ZNF473: variants seen among roughly 807,000 people sequenced by gnomAD.
ZNF473 encodes zinc finger protein 100 homolog.
In ZNF473, 4 loss-of-function variants were observed where a neutral mutation model predicts 11.1. The observed-to-expected ratio is 0.36, with a 90% CI of 0.18 to 0.82. The LOEUF (loss-of-function observed/expected upper bound fraction) is 0.82, where lower values mean the gene tolerates loss of function less well. ZNF473 is among the 40% of genes least tolerant of loss of function. ZNF473 has a pLI of 0.49. For missense variants in ZNF473, 854 were observed against 1,084.0 expected (o/e 0.79, Z 2.98); for synonymous variants, 404 against 390.4 (o/e 1.03, Z -0.41).
chr19:50,046,979 C>T lies in ZNF473; in HGVS notation c.2536C>T (p.Arg846Cys). 4.3e-6 allele frequency: 7 copies of T among 1,614,116 alleles called. No individual in the cohort carries two copies. The highest frequency in any genetic ancestry group is 5.9e-6 in the Non-Finnish European group (7 of 1,180,034). ...HTQETLYQCQ[R>C]CQKAFRCHSS... ...CCAGGAGACACTTTATCAGTGTCAA[C>T]GTTGCCAGAAAGCCTTTCGGTGCCA... is the stretch of plus-strand genomic sequence containing the variant. Residue 846 changes from arginine to cysteine, a missense_variant, in exon 5 of 5, where the codon CGT becomes TGT. Physicochemically the swap from Arg to Cys is radical, Grantham distance 180. Transcript: ENST00000270617. This position sits in a 1 kb window ranked among gnomAD's most constrained non-coding sequence, Gnocchi z 5.9.
rs745410733 is a variant in ZNF473, at chr19:50,044,821, A to G, written c.378A>G (p.Leu126=). ...CIEDTWLDSL[L]GDPESLLRSD... ...AGGACACCTGGTTAGATAGTTTGCT[A>G]GGCGATCCAGAAAGTCTTCTGAGGT... Residue 126 remains leucine, a synonymous_variant, in exon 5 of 5, where the codon CTA becomes CTG. Coordinates refer to ENST00000270617, the MANE Select transcript of ZNF473 (RefSeq NM_015428.4). The G allele has an allele frequency of 1.4e-5, 22 of 1,614,240 alleles. No homozygotes were observed. The East Asian group carries it at 4.7e-4, about 34-fold the overall frequency.
At chr19:50,027,616 A>G (rs891816526) in intron 1 of ZNF473, among the ~76,000 whole-genome samples, 12 of 152,166 alleles carry the variant, frequency 7.9e-5, no homozygotes, top group Non-Finnish European at 1.5e-4. Flanking sequence ...TGTGAGGGCC[A>G]GGCAGATGAC....
chr19:50,044,868 A>T lies in ZNF473; in HGVS notation c.425A>T (p.Glu142Val), dbSNP rs1263485754. The change falls in exon 5 of 5, where the codon GAA becomes GTA. Residue 142 changes from glutamate to valine, a missense_variant. Glu to Val is a moderately radical substitution (Grantham distance 121). Coordinates refer to ENST00000270617, the MANE Select transcript of ZNF473 (RefSeq NM_015428.4). ...AGGTCTGATATTGCCACCAACGGGG[A>T]AAGTCCCACGGAATGCAAGAGTCAT... ...LLRSDIATNG[E>V]SPTECKSHEL... The T allele has an allele frequency of 6.2e-7, 1 of 1,614,104 alleles. No individual in the cohort carries two copies. Among genetic ancestry groups the T allele is most frequent in the African/African-American group, 1.3e-5 (1 of 74,932 alleles).
In ZNF473 at chr19:50,030,957, C is replaced by T. The variant is rs2077314583; in HGVS notation, c.-126C>T. ...TTTGGGGGCTCGTCAGCATGGACAG[C>T]GAGTCAGCCATGGGTGGAAGGGAGG... On this transcript the variant is annotated 5_prime_UTR_variant, in exon 2 of 5. Transcript: ENST00000270617. 8 of 1,389,686 alleles carry T rather than the reference C, an allele frequency of 5.8e-6. No homozygotes were observed. Among genetic ancestry groups the T allele is most frequent in the Non-Finnish European group, 7.0e-6 (7 of 1,002,310 alleles). The allele number at this position is 1,389,686 out of a possible 1,614,324, so 86.1% of individuals were successfully genotyped here. A position where few individuals can be genotyped will look rare whatever the true frequency, so the allele number is the denominator to read the frequency against.
Position 50,030,883 on chromosome 19 carries a change from C to T in ZNF473, c.-191-9C>T. 1.5e-6 allele frequency: 1 copy of T among 689,294 alleles called. No homozygotes were observed. The highest frequency in any genetic ancestry group is 1.7e-5 in the South Asian group (1 of 57,170). The allele number at this position is 689,294 out of a possible 1,614,324, so 42.7% of individuals were successfully genotyped here. ...CTTCAGTAAATATAGTTGTTGTTGT[C>T]CCCTGCAGGGAGACTCACATTGGGA... is the stretch of plus-strand genomic sequence containing the variant. On this transcript the variant is annotated splice_polypyrimidine_tract_variant and intron_variant, in intron 1 of 4. Coordinates refer to ENST00000270617, the MANE Select transcript of ZNF473 (RefSeq NM_015428.4).
chr19:50,044,822 G>A lies in ZNF473; in HGVS notation c.379G>A (p.Gly127Ser). The A allele has an allele frequency of 6.2e-7, 1 of 1,614,246 alleles. No homozygotes were observed. The highest frequency in any genetic ancestry group is 8.5e-7 in the Non-Finnish European group (1 of 1,180,040). The change falls in exon 5 of 5, where the codon GGC (glycine) becomes AGC (serine). Residue 127 changes from glycine (G) to serine (S), a missense_variant. By Grantham distance (56) the Gly-to-Ser change is moderately conservative. Transcript: ENST00000270617. ...IEDTWLDSLLGDPESLLRSDI... is the reference protein window; with the variant it reads ...IEDTWLDSLLSDPESLLRSDI... The stretch of plus-strand genomic sequence containing the variant: ...GGACACCTGGTTAGATAGTTTGCTA[G>A]GCGATCCAGAAAGTCTTCTGAGGTC...
At chr19:50,033,581 G>A (rs553336921) in intron 2 of ZNF473, among the ~76,000 whole-genome samples, 1 of 152,286 alleles carries the variant, frequency 6.6e-6, no homozygotes, top group Non-Finnish European at 1.5e-5. Context: ...TCTTACTGCT[G>A]CTGTAACAAA....
intron 1 of ZNF473, among the ~76,000 whole-genome samples, chr19:50,026,855 A>C (rs2077284987): frequency 6.6e-6 from 1 of 152,068 alleles, no homozygotes. Context: ...TGGCCCTGAG[A>C]GGAGTGGTTC....
intron 4 of ZNF473, among the ~76,000 whole-genome samples, chr19:50,043,955 G>A (rs756548115): frequency 3.3e-5 from 5 of 152,152 alleles, no homozygotes; most frequent in East Asian, 1.9e-4. Flanking sequence ...TTAGGGAACC[G>A]CAAGAGTTCT....
chr19:50,041,980 TG>T (rs1454742277), intron 4 of ZNF473, 161 bp downstream of exon 4: 12 of 559,316 alleles, frequency 2.1e-5, no homozygotes, highest in East Asian at 1.4e-4. Flanking sequence ...TCCTGGGAGC[TG>T]GGGGGATCAG....
Position 50,026,075 on chromosome 19 carries a change from C to T in ZNF473, c.-239C>T, listed in dbSNP as rs1157276365. 3 of 152,804 alleles carry T rather than the reference C, an allele frequency of 2.0e-5. No homozygotes were observed. In the East Asian group the frequency reaches 5.8e-4, roughly 30 times the overall value. The allele number at this position is 152,804 out of a possible 1,614,324, so 9.5% of individuals were successfully genotyped here. ...TGCGGGGAGTTGAATCTCCCGCTCC[C>T]TTGAGGCTGGGGTTGCGTCTGTTGA... On this transcript the variant is annotated 5_prime_UTR_variant, in exon 1 of 5. Coordinates refer to ENST00000270617, the MANE Select transcript of ZNF473 (RefSeq NM_015428.4).
intron 2 of ZNF473, among the ~76,000 whole-genome samples, chr19:50,032,869 A>G (rs899277327): frequency 6.6e-6 from 1 of 152,182 alleles, no homozygotes; most frequent in Admixed American, 6.5e-5. Flanking sequence ...TCATCTTCAC[A>G]GGATGTCCTC....
chr19:50,031,649 C>G (rs1353799302), intron 2 of ZNF473, among the ~76,000 whole-genome samples: 1 of 152,108 alleles, frequency 6.6e-6, no homozygotes. Flanking sequence ...ACAGATCCAC[C>G]TAGATATGGA....
chr19:50,035,440 A>G (rs1978367489), intron 2 of ZNF473, among the ~76,000 whole-genome samples: 1 of 135,892 alleles, frequency 7.4e-6, no homozygotes, highest in African/African-American at 2.8e-5. Flanking sequence ...AGAGGTGACC[A>G]GTTCTTTCAT....
In ZNF473 at chr19:50,044,787, C is replaced by G. The variant is rs2122853722; in HGVS notation, c.344C>G (p.Ala115Gly). The change falls in exon 5 of 5, where the codon GCC (alanine) becomes GGC (glycine). Residue 115 changes from alanine to glycine, a missense_variant. By Grantham distance (60) the Ala-to-Gly change is moderately conservative. This residue lies in a region of ZNF473 where 668 missense variants were observed against 790.2 expected (regional missense o/e 0.85). Transcript: ENST00000270617. The part of the protein sequence containing the change: ...DGFWNSNFGE[A>G]CIEDTWLDSL... Reference sequence around the variant, plus strand: ...TTCTGGAACTCCAATTTCGGAGAAGCCTGTATAGAGGACACCTGGTTAGAT... The same window carrying G: ...TTCTGGAACTCCAATTTCGGAGAAGGCTGTATAGAGGACACCTGGTTAGAT... The G allele has an allele frequency of 1.2e-6, 2 of 1,614,186 alleles. No individual in the cohort carries two copies. The highest frequency in any genetic ancestry group is 1.1e-5 in the South Asian group (1 of 91,086).
intron 3 of ZNF473, among the ~76,000 whole-genome samples, chr19:50,040,250 CAG>C (rs1230718159): frequency 2.6e-5 from 4 of 152,246 alleles, no homozygotes; most frequent in South Asian, 2.1e-4. Context: ...AGAATTCTCT[CAG>C]GGGAGTCACA....
rs1397735057 is a variant in ZNF473, at chr19:50,039,158, C to G, written c.10-3C>G. ...GAGTGACCAATAGTGTACTGTGTTT[C>G]AGGAATTTGTGACCCTCAAGGATGT... On this transcript the variant is annotated splice_region_variant and splice_polypyrimidine_tract_variant and intron_variant, in intron 2 of 4. Coordinates refer to ENST00000270617, the MANE Select transcript of ZNF473 (RefSeq NM_015428.4). This position sits in a 1 kb window ranked among gnomAD's most constrained non-coding sequence, Gnocchi z 4.8. 1 of 1,613,946 alleles carries G rather than the reference C, an allele frequency of 6.2e-7. No homozygotes were observed. Among genetic ancestry groups the G allele is most frequent in the South Asian group, 1.1e-5 (1 of 91,072 alleles).
In ZNF473 at chr19:50,044,676, C is replaced by T; in HGVS notation, c.233C>T (p.Thr78Ile). The change falls in exon 5 of 5, where the codon ACT becomes ATT. Residue 78 changes from threonine (T) to isoleucine (I), a missense_variant. Physicochemically the swap from Thr to Ile is moderately conservative, Grantham distance 89. Around this residue, in one of 2 missense-constraint regions of ZNF473, gnomAD observed 668 missense variants for 790.2 expected, o/e 0.85. Coordinates refer to ENST00000270617, the MANE Select transcript of ZNF473 (RefSeq NM_015428.4). ...TTTGCACTTGCTCTTTCAGATGTGA[C>T]TGAGACCAAGAACTCTCCTCTGATG... ...GSPEATSPDV[T>I]ETKNSPLMED... is the part of the protein sequence containing the mutation. 6.2e-7 allele frequency: 1 copy of T among 1,606,664 alleles called. No individual in the cohort carries two copies. Among genetic ancestry groups the T allele is most frequent in the Non-Finnish European group, 8.5e-7 (1 of 1,176,330 alleles).
chr19:50,032,245 C>T (rs1480535647), intron 2 of ZNF473, among the ~76,000 whole-genome samples: 2 of 150,888 alleles, frequency 1.3e-5, no homozygotes, highest in Non-Finnish European at 2.9e-5. Flanking sequence ...CTCAAAGGTC[C>T]TCTTTGATCT....
Sources: allele counts gnomAD v4.1 joint callset (sites outside exome capture counted in the v4.1 genomes callset), GRCh38; gene constraint gnomAD v4.1.1; regional missense constraint gnomAD v4.1.1; non-coding constraint Gnocchi (gnomAD v3.1); transcripts MANE v1.5; gene names NCBI Gene and HGNC (gene_info 2026-07-23, HGNC 2026-07-21).